The following MAP3K12 variants were observed in gnomAD, a reference collection of about 807,000 sequenced individuals.
MAP3K12 encodes the protein mitogen-activated protein kinase kinase kinase 12, also known as MAPK-upstream kinase.
A neutral mutation model predicts 87.5 loss-of-function variants in MAP3K12; 14 were observed. The observed-to-expected ratio is 0.16, with a 90% CI of 0.11 to 0.25. The LOEUF (loss-of-function observed/expected upper bound fraction) is 0.25. MAP3K12 is among the 10% of genes least tolerant of loss of function. The pLI is 1.00. For synonymous variants in MAP3K12, 469 were observed against 452.5 expected (o/e 1.04, Z -0.46); for missense variants, 802 against 1,140.4 (o/e 0.70, Z 4.27).
In MAP3K12 at chr12:53,484,243, T is replaced by C. The variant is rs1565885700; in HGVS notation, c.1248+14A>G. ...AAGGGGAGTTAGGTATTTATTTTCC[T>C]ACCCACAGCACACCTGGGACTTAAA... On this transcript the variant is annotated intron_variant, in intron 7 of 13. Coordinates refer to ENST00000547488, the MANE Select transcript of MAP3K12 (RefSeq NM_001193511.2). 1 of 1,607,912 alleles carries C rather than the reference T, an allele frequency of 6.2e-7. No homozygotes were observed. Among genetic ancestry groups the C allele is most frequent in the Non-Finnish European group, 8.5e-7 (1 of 1,174,612 alleles).
chr12:53,489,568 A>G (rs1943344744), intron 1 of MAP3K12, among the ~76,000 whole-genome samples: 1 of 152,226 alleles, frequency 6.6e-6, no homozygotes, highest in Non-Finnish European at 1.5e-5. Context: ...ATTCCCAAGA[A>G]CAAGCATCCC....
Position 53,484,322 on chromosome 12 carries a change from G to C in MAP3K12, c.1183C>G (p.Leu395Val), listed in dbSNP as rs901734022. Residue 395 changes from leucine to valine, a missense_variant, in exon 7 of 14, where the codon CTG becomes GTG. Physicochemically the swap from Leu to Val is conservative, Grantham distance 32 (BLOSUM62 1). Around this residue, in one of 5 missense-constraint regions of MAP3K12, gnomAD observed 99 missense variants for 193.4 expected, o/e 0.51. Coordinates refer to ENST00000547488, the MANE Select transcript of MAP3K12 (RefSeq NM_001193511.2). ...RNRPSFRQIL[L>V]HLDIASADVL... Reference sequence around the variant, plus strand: ...TCAGCTGAGGCAATGTCCAGATGCAGCAGGATCTGTCGGAATGATGGGCGA... The same window carrying C: ...TCAGCTGAGGCAATGTCCAGATGCACCAGGATCTGTCGGAATGATGGGCGA... 4.3e-6 allele frequency: 7 copies of C among 1,614,080 alleles called. No homozygotes were observed. In the Admixed American group the frequency reaches 8.3e-5, roughly 19 times the overall value.
At position 53,483,116 on chromosome 12, in the gene MAP3K12, A is replaced by G; in HGVS notation, c.1687T>C (p.Cys563Arg). The G allele has an allele frequency of 6.6e-7, 1 of 1,520,748 alleles. No homozygotes were observed. Among genetic ancestry groups the G allele is most frequent in the Non-Finnish European group, 8.8e-7 (1 of 1,136,438 alleles). The allele number at this position is 1,520,748 out of a possible 1,614,324, so 94.2% of individuals were successfully genotyped here. A position where few individuals can be genotyped will look rare whatever the true frequency, so the allele number is the denominator to read the frequency against. Reference protein sequence around the residue: ...AALSGVGLPGCPKGPPSPGRS... With the variant: ...AALSGVGLPGRPKGPPSPGRS... ...CCTGGTGAGGGGGGGCCCTTAGGACACCCAGGAAGCCCCACCCCACTCAGG... is the reference window on the plus strand; with the variant it reads ...CCTGGTGAGGGGGGGCCCTTAGGACGCCCAGGAAGCCCCACCCCACTCAGG... Residue 563 changes from cysteine (C) to arginine (R), a missense_variant, in exon 11 of 14, where the codon TGT (cysteine) becomes CGT (arginine). By Grantham distance (180) the Cys-to-Arg change is radical. Coordinates refer to ENST00000547488, the MANE Select transcript of MAP3K12 (RefSeq NM_001193511.2).
At chr12:53,496,997 A>G (rs895664287) in intron 1 of MAP3K12, among the ~76,000 whole-genome samples, 7 of 152,222 alleles carry the variant, frequency 4.6e-5, no homozygotes, top group Non-Finnish European at 1.5e-5. Flanking sequence ...CCTATGTCCC[A>G]CAGTGGCAAT....
In MAP3K12 at chr12:53,486,413, C is replaced by A. The variant is rs1387101433; in HGVS notation, c.629+26G>T. On this transcript the variant is annotated intron_variant, in intron 3 of 13. Transcript: ENST00000547488. This position sits in a 1 kb window ranked among gnomAD's most constrained non-coding sequence, Gnocchi z 4.9. ...CCAGGCCTTAGCATAGTATCCCCAA[C>A]ACCCAGCCCCTGCCCTGGACCTCAC... 2.5e-6 allele frequency: 4 copies of A among 1,611,562 alleles called. No homozygotes were observed. The highest frequency in any genetic ancestry group is 2.7e-5 in the African/African-American group (2 of 74,932).
At chr12:53,483,527 G>A (rs767121262) in intron 9 of MAP3K12, 41 bp from the exon 10 acceptor site, 1 of 1,613,936 alleles carries the variant, frequency 6.2e-7, no homozygotes. Flanking sequence ...AAATGACCAG[G>A]AAGGGGCACC....
chr12:53,481,081 C>A lies in MAP3K12; in HGVS notation c.*101G>T. Reference sequence around the variant, plus strand: ...CGAGCCTGACTTACGGCTGGGACAGCCCCATCTTTCTGTTGATTATGTGGC... The same window carrying A: ...CGAGCCTGACTTACGGCTGGGACAGACCCATCTTTCTGTTGATTATGTGGC... On this transcript the variant is annotated 3_prime_UTR_variant, in exon 14 of 14. Transcript: ENST00000547488. 8.8e-6 allele frequency: 4 copies of A among 454,144 alleles called. No individual in the cohort carries two copies. 28.1% of individuals were successfully genotyped at this position (454,144 alleles called of 1,614,324 possible). A position where few individuals can be genotyped will look rare whatever the true frequency, so the allele number is the denominator to read the frequency against.
chr12:53,495,470 C>T (rs1328737498), intron 1 of MAP3K12, among the ~76,000 whole-genome samples: 26 of 135,690 alleles, frequency 1.9e-4, no homozygotes, highest in Non-Finnish European at 7.7e-5. Context: ...ATTTGCCAGG[C>T]GTAGTGGTGG....
Position 53,482,028 on chromosome 12 carries a change from G to A in MAP3K12, c.2493C>T (p.Ile831=). ...CCTCTGAAGGAGGTGGGTCCAGTGG[G>A]ATTTCTGAGCCCTGGGAGCACATGT... is the stretch of plus-strand genomic sequence containing the variant. ...SDDMCSQGSE[I]PLDPPPSEVI... is the part of the protein sequence containing the mutation. The change falls in exon 13 of 14, where the codon ATC becomes ATT. Residue 831 remains isoleucine, a synonymous_variant. Coordinates refer to ENST00000547488, the MANE Select transcript of MAP3K12 (RefSeq NM_001193511.2). 1 of 1,614,184 alleles carries A rather than the reference G, an allele frequency of 6.2e-7. No homozygotes were observed. The highest frequency in any genetic ancestry group is 8.5e-7 in the Non-Finnish European group (1 of 1,180,038).
intron 1 of MAP3K12, among the ~76,000 whole-genome samples, chr12:53,491,301 A>AAAAAGAAAAGAAAAG (rs1555212340): frequency 9.8e-6 from 1 of 101,568 alleles, no homozygotes; most frequent in African/African-American, 3.8e-5. Context: ...AAAAAAAAAA[A>AAAAAGAAAAGAAAAG]AAAAGAAAAG....
chr12:53,483,272 A>C, intron 10 of MAP3K12, 77 bp downstream of exon 10: 1 of 1,577,904 alleles, frequency 6.3e-7, no homozygotes, highest in South Asian at 1.2e-5. Context: ...ACTAAAGTAC[A>C]CATCTCCCTG....
rs761157755 is a variant in MAP3K12, at chr12:53,486,647, C to T, written c.446-25G>A. 5.8e-6 allele frequency: 9 copies of T among 1,547,138 alleles called. No homozygotes were observed. The South Asian group carries it at 5.9e-5, about 10-fold the overall frequency. ...TCTGTGGGCAGGAGGCACAGTGCCA[C>T]AAGCCTCAGAAAGAGCCACACTCAA... On this transcript the variant is annotated intron_variant, in intron 2 of 13. Transcript: ENST00000547488. The surrounding 1 kb of genome is among the most constrained non-coding windows in gnomAD (Gnocchi z 4.9).
In MAP3K12 at chr12:53,485,123, T is replaced by C; in HGVS notation, c.1072A>G (p.Asn358Asp). The C allele has an allele frequency of 6.2e-7, 1 of 1,614,208 alleles. No homozygotes were observed. Among genetic ancestry groups the C allele is most frequent in the African/African-American group, 1.3e-5 (1 of 75,046 alleles). ...GAGGGCACGGGCAGATGGAGACTGT[T>C]GCTTCCCACACCCCAGATAATGGCT... ...SSAIIWGVGS[N>D]SLHLPVPSSC... Residue 358 changes from asparagine (N) to aspartate (D), a missense_variant, in exon 6 of 14, where the codon AAC becomes GAC. Asn to Asp is a conservative substitution (Grantham distance 23). Around this residue, in one of 5 missense-constraint regions of MAP3K12, gnomAD observed 99 missense variants for 193.4 expected, o/e 0.51. Coordinates refer to ENST00000547488, the MANE Select transcript of MAP3K12 (RefSeq NM_001193511.2).
rs1203071583 is a variant in MAP3K12, at chr12:53,479,674, T to TTTTTTTTTTTTTTGTTTG, written c.*1507_*1508insCAAACAAAAAAAAAAAAA. ...TAGTTTTATAAGCTTCTCCCTGGTT[T>TTTTTTTTTTTTTTGTTTG]TTTTTTTTTGGCTCATGAATTTTTC... On this transcript the variant is annotated 3_prime_UTR_variant, in exon 14 of 14. Transcript: ENST00000547488. The TTTTTTTTTTTTTTGTTTG allele has an allele frequency of 5.2e-6, 2 of 385,450 alleles. No individual in the cohort carries two copies. The highest frequency in any genetic ancestry group is 2.1e-5 in the African/African-American group (1 of 48,072). 23.9% of individuals were successfully genotyped at this position (385,450 alleles called of 1,614,324 possible).
At chr12:53,501,311 C>T (rs1376120977), upstream of MAP3K12, 11 of 1,418,730 alleles carry the variant, frequency 7.8e-6, no homozygotes, top group South Asian at 1.3e-5. Flanking sequence ...CCCTACCGGC[C>T]GCGACTCCGG....
At chr12:53,501,444 G>T, upstream of MAP3K12, 2 of 1,568,522 alleles carry the variant, frequency 1.3e-6, no homozygotes, top group South Asian at 1.2e-5. Context: ...GCACTACCAC[G>T]GGCTGCGGGC....
rs745858800 is a variant in MAP3K12 at position 53,482,920 on chromosome 12, C to T, written c.1883G>A (p.Arg628His). Reference protein sequence around the residue: ...SAWEACPPALRGLHHDLLLRK... With the variant: ...SAWEACPPALHGLHHDLLLRK... Reference sequence around the variant, plus strand: ...GAGCAGGAGGTCATGATGAAGCCCACGGAGGGCGGGAGGGCAGGCCTCCCA... The same window carrying T: ...GAGCAGGAGGTCATGATGAAGCCCATGGAGGGCGGGAGGGCAGGCCTCCCA... The change falls in exon 11 of 14, where the codon CGT (arginine) becomes CAT (histidine). Residue 628 changes from arginine (R) to histidine (H), a missense_variant. Coordinates refer to ENST00000547488, the MANE Select transcript of MAP3K12 (RefSeq NM_001193511.2). 1.2e-5 allele frequency: 20 copies of T among 1,609,374 alleles called. No individual in the cohort carries two copies. Among genetic ancestry groups the T allele is most frequent in the Middle Eastern group, 1.6e-4 (1 of 6,078 alleles).
intron 6 of MAP3K12, chr12:53,484,576 A>G (rs1943173508): frequency 9.4e-6 from 5 of 531,008 alleles, no homozygotes; most frequent in South Asian, 5.1e-5. Context: ...ATTGAACCCC[A>G]TATTTTCCAA....
At position 53,481,015 on chromosome 12, in the gene MAP3K12, T is replaced by C. The variant is rs528499282; in HGVS notation, c.*167A>G. 5.4e-4 allele frequency: 116 copies of C among 214,942 alleles called. No individual in the cohort carries two copies. Among genetic ancestry groups the C allele is most frequent in the Middle Eastern group, 1.7e-3 (1 of 578 alleles). 13.3% of individuals were successfully genotyped at this position (214,942 alleles called of 1,614,324 possible). On this transcript the variant is annotated 3_prime_UTR_variant, in exon 14 of 14. Transcript: ENST00000547488. ...TCATTTCCACAGCTGCCAGTGTCCCTAGAGTTTATCAGGTGAATTGGTCAG... is the reference window on the plus strand; with the variant it reads ...TCATTTCCACAGCTGCCAGTGTCCCCAGAGTTTATCAGGTGAATTGGTCAG...
Sources: gnomAD v4.1 joint callset for allele counts (sites outside exome capture counted in the v4.1 genomes callset) on GRCh38, gnomAD v4.1.1 for gene constraint, gnomAD v4.1.1 regional missense constraint, Gnocchi (gnomAD v3.1) non-coding constraint, MANE v1.5 for transcripts, NCBI Gene and HGNC (gene_info 2026-07-23, HGNC 2026-07-21) for gene names.